The following ADAMTS8 variants were observed in gnomAD, a reference collection of about 807,000 sequenced individuals.
ADAMTS8 encodes A disintegrin and metalloproteinase with thrombospondin motifs 8.
ADAMTS8 carries 50 observed loss-of-function variants against 64.4 expected under a neutral mutation model. The ratio of observed to expected loss-of-function variants is 0.78; its 90% CI spans 0.62 to 0.98. The LOEUF is 0.98. Ranked by LOEUF, ADAMTS8 falls within the 50% of genes least tolerant of loss-of-function variation. The probability of loss-of-function intolerance (pLI) is 0.00; values close to 1 mark genes in which losing one functional copy is unlikely to be tolerated. For missense variants in ADAMTS8, 1,192 were observed against 1,208.2 expected, an observed-to-expected ratio of 0.99 and a Z score of 0.20; for synonymous variants, 556 against 533.6, an observed-to-expected ratio of 1.04 and a Z score of -0.58.
intron 1 of ADAMTS8, among the ~76,000 whole-genome samples, chr11:130,424,754 G>T (rs1056028637): frequency 1.3e-5 from 2 of 152,112 alleles, no homozygotes; most frequent in African/African-American, 4.8e-5. Context: ...AGACAGTCAC[G>T]CCTGTCCTGC....
Position 130,405,370 on chromosome 11 carries a change from C to G in ADAMTS8, c.*188G>C. On this transcript the variant is annotated 3_prime_UTR_variant, in exon 9 of 9. Transcript: ENST00000257359. The stretch of plus-strand genomic sequence containing the variant: ...CTGGACAGTTGATGATAGGGTCTGC[C>G]GCCCCATACCCTCTCCTCTTCCCCC... 7.1e-7 allele frequency: 1 copy of G among 1,402,886 alleles called. No homozygotes were observed. Among genetic ancestry groups the G allele is most frequent in the South Asian group, 1.8e-5 (1 of 56,844 alleles). The allele number at this position is 1,402,886 out of a possible 1,614,324, so 86.9% of individuals were successfully genotyped here.
At chr11:130,413,119 C>T (rs1565375440) in intron 5 of ADAMTS8, among the ~76,000 whole-genome samples, 5 of 152,206 alleles carry the variant, frequency 3.3e-5, no homozygotes, top group Admixed American at 1.3e-4. Context: ...GATCCACCCG[C>T]CTCGGCCTCC....
At chr11:130,418,777 G>T (rs116485153) in intron 2 of ADAMTS8, among the ~76,000 whole-genome samples, 1 of 152,192 alleles carries the variant, frequency 6.6e-6, no homozygotes, top group African/African-American at 2.4e-5. Context: ...CTCTCACTGG[G>T]CAGCTTGAGC....
At chr11:130,422,139 G>C (rs903664195) in intron 1 of ADAMTS8, among the ~76,000 whole-genome samples, 2 of 152,158 alleles carry the variant, frequency 1.3e-5, no homozygotes, top group Admixed American at 6.5e-5. Context: ...CCCAGGACCT[G>C]GAGTAGAGAT....
At chr11:130,425,370 C>CA (rs1290095158) in intron 1 of ADAMTS8, among the ~76,000 whole-genome samples, 2 of 152,120 alleles carry the variant, frequency 1.3e-5, no homozygotes, top group Non-Finnish European at 2.9e-5. Context: ...GGCAAATACT[C>CA]AGTTATCTCC....
rs776835306 is a variant in ADAMTS8 at position 130,428,202 on chromosome 11, C to T, written c.85G>A (p.Ala29Thr). Residue 29 changes from alanine to threonine, a missense_variant, in exon 1 of 9, where the codon GCC (alanine) becomes ACC (threonine). Transcript: ENST00000257359. ...LLLPLARGAP[A>T]RPAAGGQASE... is the part of the protein sequence containing the mutation. ...GCCTGCCCCCCGGCTGCGGGCCGGG[C>T]CGGGGCGCCGCGGGCCAGCGGCAGC... 8.5e-5 allele frequency: 106 copies of T among 1,252,490 alleles called. No homozygotes were observed. In the African/African-American group the frequency reaches 1.5e-3, roughly 18 times the overall value. 77.6% of individuals were successfully genotyped at this position (1,252,490 alleles called of 1,614,324 possible). A position where few individuals can be genotyped will look rare whatever the true frequency, so the allele number is the denominator to read the frequency against.
In ADAMTS8 at chr11:130,428,028, A is replaced by G. The variant is rs1414680254; in HGVS notation, c.259T>C (p.Ser87Pro). 1.3e-6 allele frequency: 2 copies of G among 1,526,828 alleles called. No homozygotes were observed. Among genetic ancestry groups the G allele is most frequent in the Admixed American group, 4.0e-5 (2 of 50,540 alleles). 94.6% of individuals were successfully genotyped at this position (1,526,828 alleles called of 1,614,324 possible). ...PEFKIERLGG[S>P]GRATGGERGL... ...CGCTCGCCCCCGGTCGCCCGGCCGG[A>G]GCCCCCGAGGCGCTCGATCTTGAAC... is the stretch of plus-strand genomic sequence containing the variant. The change falls in exon 1 of 9, where the codon TCC (serine) becomes CCC (proline). Residue 87 changes from serine (S) to proline (P), a missense_variant. Transcript: ENST00000257359.
intron 2 of ADAMTS8, among the ~76,000 whole-genome samples, chr11:130,418,142 T>C (rs1862051932): frequency 6.6e-6 from 1 of 152,030 alleles, no homozygotes; most frequent in South Asian, 2.1e-4. Context: ...GATTGTGCCA[T>C]TGAACTCCAG....
At chr11:130,415,752 G>A (rs1239638551) in intron 4 of ADAMTS8, among the ~76,000 whole-genome samples, 1 of 151,992 alleles carries the variant, frequency 6.6e-6, no homozygotes, top group African/African-American at 2.4e-5. Flanking sequence ...GGGACCACAG[G>A]TGTGCACCCC....
chr11:130,425,838 C>T (rs1055289906), intron 1 of ADAMTS8, among the ~76,000 whole-genome samples: 115 of 152,022 alleles, frequency 7.6e-4, no homozygotes, highest in Non-Finnish European at 7.6e-4. Context: ...CCTGAGCTTG[C>T]GATCTGCCCA....
chr11:130,411,539 C>G lies in ADAMTS8; in HGVS notation c.1628G>C (p.Gly543Ala). ...GPWGECSRTC[G>A]GGVQFSHREC... ...ACGGTGTGAAAACTGTACTCCTCCT[C>G]CACAGGTCCGAGAACATTCTCCCCA... The change falls in exon 6 of 9, where the codon GGA becomes GCA. Residue 543 changes from glycine to alanine, a missense_variant. Coordinates refer to ENST00000257359, the MANE Select transcript of ADAMTS8 (RefSeq NM_007037.6). This position sits in a 1 kb window ranked among gnomAD's most constrained non-coding sequence, Gnocchi z 4.2. The G allele has an allele frequency of 6.2e-7, 1 of 1,614,184 alleles. No individual in the cohort carries two copies. The highest frequency in any genetic ancestry group is 8.5e-7 in the Non-Finnish European group (1 of 1,180,032).
At chr11:130,421,900 C>A (rs1480958472) in intron 1 of ADAMTS8, among the ~76,000 whole-genome samples, 1 of 152,222 alleles carries the variant, frequency 6.6e-6, no homozygotes, top group Non-Finnish European at 1.5e-5. Context: ...CTCCCCACAC[C>A]AATGCAAGCT....
At position 130,416,757 on chromosome 11, in the gene ADAMTS8, G is replaced by C. The variant is rs1463145362; in HGVS notation, c.1096+183C>G. 6.6e-6 allele frequency among the ~76,000 whole-genome samples: 1 copy of C among 152,190 alleles called. No homozygotes were observed. The highest frequency in any genetic ancestry group is 2.4e-5 in the African/African-American group (1 of 41,464). The stretch of plus-strand genomic sequence containing the variant: ...GTATTTTGGCCATGTGCTCGGGGTG[G>C]GAGCGGAGTTGTGTTCAGCACTGTC... On this transcript the variant is annotated intron_variant, in intron 3 of 8. Coordinates refer to ENST00000257359, the MANE Select transcript of ADAMTS8 (RefSeq NM_007037.6). The surrounding 1 kb of genome is among the most constrained non-coding windows in gnomAD (Gnocchi z 4.8).
At chr11:130,426,325 C>G (rs1023328094) in intron 1 of ADAMTS8, among the ~76,000 whole-genome samples, 1 of 152,216 alleles carries the variant, frequency 6.6e-6, no homozygotes, top group African/African-American at 2.4e-5. Flanking sequence ...GAAGGCTGAT[C>G]GCCTCCTTGT....
rs376805334 is a variant in ADAMTS8 at position 130,405,517 on chromosome 11, C to A, written c.*41G>T. The stretch of plus-strand genomic sequence containing the variant: ...GAGACCCTTGTCTGCACCTCAGTAC[C>A]GCATGTCCAGGAGCACAAGACTGGC... On this transcript the variant is annotated 3_prime_UTR_variant, in exon 9 of 9. Transcript: ENST00000257359. 124 of 1,551,298 alleles carry A rather than the reference C, an allele frequency of 8.0e-5. No homozygotes were observed. Among genetic ancestry groups the A allele is most frequent in the Non-Finnish European group, 1.0e-4 (117 of 1,149,208 alleles).
chr11:130,424,962 C>T (rs1183503904), intron 1 of ADAMTS8, among the ~76,000 whole-genome samples: 1 of 152,070 alleles, frequency 6.6e-6, no homozygotes, highest in Non-Finnish European at 1.5e-5. Context: ...ACTCAGAAGT[C>T]AACCCCCTAG....
Position 130,428,306 on chromosome 11 carries a change from G to C in ADAMTS8, c.-20C>G. 2 of 1,243,804 alleles carry C rather than the reference G, an allele frequency of 1.6e-6. No homozygotes were observed. The highest frequency in any genetic ancestry group is 2.0e-6 in the Non-Finnish European group (2 of 988,356). 77.0% of individuals were successfully genotyped at this position (1,243,804 alleles called of 1,614,324 possible). A position where few individuals can be genotyped will look rare whatever the true frequency, so the allele number is the denominator to read the frequency against. ...GAGCATGGGGGCTGCGGCGGTGGCT[G>C]CGCGCAGGAGAGGGAAGAAGCCCGC... On this transcript the variant is annotated 5_prime_UTR_variant, in exon 1 of 9. Coordinates refer to ENST00000257359, the MANE Select transcript of ADAMTS8 (RefSeq NM_007037.6).
In ADAMTS8 at chr11:130,419,053, C is replaced by A. The variant is rs769156479; in HGVS notation, c.960G>T (p.Gln320His). The A allele has an allele frequency of 2.5e-6, 4 of 1,614,096 alleles. No homozygotes were observed. The South Asian group carries it at 4.4e-5, about 18-fold the overall frequency. The change falls in exon 2 of 9, where the codon CAG (glutamine) becomes CAT (histidine). Residue 320 changes from glutamine to histidine, a missense_variant and splice_region_variant. Physicochemically the swap from Gln to His is conservative, Grantham distance 24. Transcript: ENST00000257359. ...HYDTAILLTR[Q>H]NFCGQEGLCD... is the part of the protein sequence containing the mutation. ...AGGGCTTCCGGAGCCAGGCACGGAC[C>A]TGTCTGGTGAGCAGGATGGCCGTGT...
In ADAMTS8 at chr11:130,428,418, G is replaced by T; in HGVS notation, c.-132C>A. 1 of 1,085,216 alleles carries T rather than the reference G, an allele frequency of 9.2e-7. No individual in the cohort carries two copies. The highest frequency in any genetic ancestry group is 3.3e-5 in the South Asian group (1 of 30,048). The allele number at this position is 1,085,216 out of a possible 1,614,324, so 67.2% of individuals were successfully genotyped here. On this transcript the variant is annotated 5_prime_UTR_variant, in exon 1 of 9. Coordinates refer to ENST00000257359, the MANE Select transcript of ADAMTS8 (RefSeq NM_007037.6). ...AATCAATCGGGTGCAAGGCCGACTC[G>T]GCCCGCGGGGCCCGGCGGCGGGAGC...
Sources: allele counts gnomAD v4.1 joint callset (sites outside exome capture counted in the v4.1 genomes callset), GRCh38; gene constraint gnomAD v4.1.1; non-coding constraint Gnocchi (gnomAD v3.1); transcripts MANE v1.5; gene names NCBI Gene and HGNC (gene_info 2026-07-23, HGNC 2026-07-21).